CKLF: variants seen among roughly 807,000 people sequenced by gnomAD.
The protein encoded by CKLF is chemokine like factor.
Under a neutral mutation model 12.9 loss-of-function variants are expected in CKLF, and 16 were observed. The ratio of observed to expected loss-of-function variants is 1.24; its 90% CI spans 0.84 to 1.88. The LOEUF (loss-of-function observed/expected upper bound fraction) is 1.88, where lower values mean the gene tolerates loss of function less well. Among genes scored for constraint, CKLF ranks in the 40% most tolerant of loss-of-function variants. The probability of loss-of-function intolerance (pLI) is 0.00; values close to 1 mark genes in which losing one functional copy is unlikely to be tolerated. For synonymous variants in CKLF, 61 were observed against 69.0 expected, an observed-to-expected ratio of 0.88 and a Z score of 0.57; for missense variants, 172 against 188.5, an observed-to-expected ratio of 0.91 and a Z score of 0.51.
chr16:66,552,686 G>T lies in CKLF; in HGVS notation c.-30G>T, dbSNP rs779341056. 3.1e-6 allele frequency: 5 copies of T among 1,614,126 alleles called. No individual in the cohort carries two copies. Among genetic ancestry groups the T allele is most frequent in the Non-Finnish European group, 4.2e-6 (5 of 1,180,024 alleles). ...GGCAGCCAGCTGAGAAGAGTTGAGG[G>T]AAAGTGCTGCTGCTGGGTCTGCAGA... On this transcript the variant is annotated 5_prime_UTR_variant, in exon 1 of 4. Transcript: ENST00000264001.
At chr16:66,556,230 A>G (rs2011447611) in intron 1 of CKLF, among the ~76,000 whole-genome samples, 1 of 152,168 alleles carries the variant, frequency 6.6e-6, no homozygotes. Context: ...TAGTAGGGGA[A>G]GGACAGCCAA....
chr16:66,557,001 G>T (rs894030761), intron 1 of CKLF, among the ~76,000 whole-genome samples: 6 of 151,926 alleles, frequency 3.9e-5, no homozygotes, highest in Non-Finnish European at 5.9e-5. Context: ...ACTTAACATT[G>T]CCATGTTCTG....
intron 2 of CKLF, among the ~76,000 whole-genome samples, chr16:66,562,478 T>C (rs2011800901): frequency 6.6e-6 from 1 of 152,222 alleles, no homozygotes; most frequent in African/African-American, 2.4e-5. Flanking sequence ...TTCTACATAA[T>C]ACATCATCTA....
chr16:66,561,659 A>G lies in CKLF; in HGVS notation c.238-1463A>G, dbSNP rs530634249. ...ACACAGAAGAGAGTTAACCTAGAAT[A>G]GTTGTCTCAGTATCTCCTACAAATG... On this transcript the variant is annotated intron_variant, in intron 2 of 3. Coordinates refer to ENST00000264001, the MANE Select transcript of CKLF (RefSeq NM_016951.4). Among the ~76,000 whole-genome samples, 5 of 152,304 alleles carry G rather than the reference A, an allele frequency of 3.3e-5. No homozygotes were observed. The South Asian group carries it at 8.3e-4, about 25-fold the overall frequency.
At chr16:66,563,242 T>C in intron 3 of CKLF, 25 bp downstream of exon 3, 1 of 1,610,060 alleles carries the variant, frequency 6.2e-7, no homozygotes, top group Non-Finnish European at 8.5e-7. Context: ...TTCTGCTTGC[T>C]TTCTTCAGGT....
intron 1 of CKLF, among the ~76,000 whole-genome samples, chr16:66,555,797 A>C (rs1213273856): frequency 6.6e-6 from 1 of 152,214 alleles, no homozygotes; most frequent in Non-Finnish European, 1.5e-5. Context: ...AAGACGATGA[A>C]AGGCAGTAGT....
At chr16:66,557,208 T>A (rs756559418) in intron 1 of CKLF, among the ~76,000 whole-genome samples, 2 of 152,224 alleles carry the variant, frequency 1.3e-5, no homozygotes, top group South Asian at 2.1e-4. Flanking sequence ...TCTAGCTCTA[T>A]CACCCAGGCT....
chr16:66,561,860 A>G (rs569139318), intron 2 of CKLF, among the ~76,000 whole-genome samples: 55 of 152,272 alleles, frequency 3.6e-4, no homozygotes, highest in Non-Finnish European at 6.6e-4. Context: ...TCAGCTAGAC[A>G]GTTTACCTTT....
At chr16:66,564,334 A>G (rs533384108) in intron 3 of CKLF, among the ~76,000 whole-genome samples, 1 of 152,340 alleles carries the variant, frequency 6.6e-6, no homozygotes, top group South Asian at 2.1e-4. Context: ...AAAAATACAC[A>G]TTTAATTTCA....
At chr16:66,560,958 C>T (rs931682859) in intron 2 of CKLF, among the ~76,000 whole-genome samples, 1 of 152,006 alleles carries the variant, frequency 6.6e-6, no homozygotes, top group Admixed American at 6.6e-5. Flanking sequence ...GGGGTCATCT[C>T]TGAACTGAGG....
In CKLF at chr16:66,552,656, A is replaced by G. The variant is rs1183958483; in HGVS notation, c.-60A>G. The G allele has an allele frequency of 6.2e-7, 1 of 1,612,168 alleles. No homozygotes were observed. The highest frequency in any genetic ancestry group is 1.3e-5 in the African/African-American group (1 of 74,916). On this transcript the variant is annotated 5_prime_UTR_variant, in exon 1 of 4. Transcript: ENST00000264001. The stretch of plus-strand genomic sequence containing the variant: ...CGGTTGCTATCGCTTCGCAGAACCT[A>G]CTCAGGCAGCCAGCTGAGAAGAGTT...
At chr16:66,558,371 A>C in intron 2 of CKLF, 23 bp downstream of exon 2, 2 of 1,586,944 alleles carry the variant, frequency 1.3e-6, no homozygotes, top group Non-Finnish European at 1.7e-6. Flanking sequence ...TTTCATCCTT[A>C]AATTTTACTT....
chr16:66,552,663 C>G lies in CKLF; in HGVS notation c.-53C>G. On this transcript the variant is annotated 5_prime_UTR_variant, in exon 1 of 4. Transcript: ENST00000264001. ...TATCGCTTCGCAGAACCTACTCAGGCAGCCAGCTGAGAAGAGTTGAGGGAA... is the reference window on the plus strand; with the variant it reads ...TATCGCTTCGCAGAACCTACTCAGGGAGCCAGCTGAGAAGAGTTGAGGGAA... 1 of 1,612,802 alleles carries G rather than the reference C, an allele frequency of 6.2e-7. No homozygotes were observed. Among genetic ancestry groups the G allele is most frequent in the Non-Finnish European group, 8.5e-7 (1 of 1,179,100 alleles).
intron 2 of CKLF, among the ~76,000 whole-genome samples, chr16:66,560,935 A>T (rs967783371): frequency 1.3e-5 from 2 of 152,164 alleles, no homozygotes; most frequent in Non-Finnish European, 2.9e-5. Flanking sequence ...AGGCAAGGAA[A>T]GAGACAACTA....
In CKLF at chr16:66,552,606, G is replaced by C; in HGVS notation, c.-110G>C. On this transcript the variant is annotated 5_prime_UTR_variant, in exon 1 of 4. Coordinates refer to ENST00000264001, the MANE Select transcript of CKLF (RefSeq NM_016951.4). ...GAAGCCGAGCTGGGCGAGAAGTAGG[G>C]GAGGGCGGTGCTCCGCCGCGGTGGC... is the stretch of plus-strand genomic sequence containing the variant. 6.5e-7 allele frequency: 1 copy of C among 1,544,360 alleles called. No individual in the cohort carries two copies. Among genetic ancestry groups the C allele is most frequent in the Non-Finnish European group, 8.9e-7 (1 of 1,124,116 alleles).
In CKLF at chr16:66,566,029, G is replaced by T; in HGVS notation, c.*18G>T. Reference sequence around the variant, plus strand: ...TTTTGTAATTTTATATTACTTTTTAGTTTGATACTAAGTATTAAACATATT... The same window carrying T: ...TTTTGTAATTTTATATTACTTTTTATTTTGATACTAAGTATTAAACATATT... On this transcript the variant is annotated 3_prime_UTR_variant, in exon 4 of 4. Coordinates refer to ENST00000264001, the MANE Select transcript of CKLF (RefSeq NM_016951.4). The surrounding 1 kb of genome is among the most constrained non-coding windows in gnomAD (Gnocchi z 4.9). The T allele has an allele frequency of 6.2e-7, 1 of 1,609,000 alleles. No homozygotes were observed. The highest frequency in any genetic ancestry group is 2.2e-5 in the East Asian group (1 of 44,780).
chr16:66,555,739 C>G (rs965408698), intron 1 of CKLF, among the ~76,000 whole-genome samples: 1 of 152,068 alleles, frequency 6.6e-6, no homozygotes, highest in Non-Finnish European at 1.5e-5. Context: ...TGAAGAAATG[C>G]GTAAACAAAT....
In CKLF at chr16:66,563,045, T is replaced by G. The variant is rs528916519; in HGVS notation, c.238-77T>G. 344 of 1,557,758 alleles carry G rather than the reference T, an allele frequency of 2.2e-4. 2 individuals are homozygous for G. The highest frequency in any genetic ancestry group is 1.3e-3 in the South Asian group (111 of 88,490). On this transcript the variant is annotated intron_variant, in intron 2 of 3. Coordinates refer to ENST00000264001, the MANE Select transcript of CKLF (RefSeq NM_016951.4). ...GACTTTGTTTTTTGTTGTTGTTGTT[T>G]TTTTGTTTTTTGTTTTTCCTTTTTA...
chr16:66,564,691 C>G (rs772412408), intron 3 of CKLF, among the ~76,000 whole-genome samples: 2 of 152,132 alleles, frequency 1.3e-5, no homozygotes, highest in African/African-American at 2.4e-5. Flanking sequence ...AGGATGGTCT[C>G]GATCTTCCGA....
Sources: gnomAD v4.1 joint callset for allele counts (sites outside exome capture counted in the v4.1 genomes callset) on GRCh38, gnomAD v4.1.1 for gene constraint, Gnocchi (gnomAD v3.1) non-coding constraint, MANE v1.5 for transcripts, NCBI Gene and HGNC (gene_info 2026-07-23, HGNC 2026-07-21) for gene names.